The following UTP4 variants were observed in gnomAD, a reference collection of about 807,000 sequenced individuals.
The protein encoded by UTP4 is U3 small nucleolar RNA-associated protein 4 homolog.
In UTP4, 45 loss-of-function variants were observed where a neutral mutation model predicts 82.4. The ratio of observed to expected loss-of-function variants is 0.55; its 90% confidence interval spans 0.43 to 0.70. The LOEUF (loss-of-function observed/expected upper bound fraction) is 0.70. Among genes scored for constraint, UTP4 ranks in the 30% least tolerant of loss-of-function variants. The pLI, the probability that UTP4 is intolerant of heterozygous loss-of-function variation, is 0.00. For missense variants in UTP4, 819 were observed against 858.3 expected (o/e 0.95, Z 0.57); for synonymous variants, 348 against 300.3 (o/e 1.16, Z -1.64).
At chr16:69,150,492 C>A (rs780679540) in intron 6 of UTP4, 45 bp from the exon 7 acceptor site, 3 of 1,608,762 alleles carry the variant, frequency 1.9e-6, no homozygotes, top group South Asian at 1.1e-5. Context: ...TCCAACCAGA[C>A]CTTGTTTTGC....
At chr16:69,132,787 C>G (rs2152275393) in intron 1 of UTP4, 98 bp downstream of exon 1, 1 of 224,460 alleles carries the variant, frequency 4.5e-6, no homozygotes, top group South Asian at 3.9e-5. Flanking sequence ...CTCCTTGTCC[C>G]GAGGGTCTCC....
In UTP4 at chr16:69,161,300, G is replaced by A. The variant is rs143529180; in HGVS notation, c.1551+838G>A. The stretch of plus-strand genomic sequence containing the variant: ...CATCTTCATTATAAGAATCAGATTC[G>A]AACTACCCAAAACTTGGAATAAGCA... On this transcript the variant is annotated intron_variant, in intron 13 of 16. Transcript: ENST00000314423. Among the ~76,000 whole-genome samples the A allele has an allele frequency of 1.2e-3, 176 of 152,298 alleles. 2 individuals carry two copies. The highest frequency in any genetic ancestry group is 3.8e-3 in the African/African-American group (156 of 41,572).
In UTP4 at chr16:69,160,441, C is replaced by G. The variant is rs1963533854; in HGVS notation, c.1530C>G (p.Val510=). 6.2e-7 allele frequency: 1 copy of G among 1,613,760 alleles called. No homozygotes were observed. The highest frequency in any genetic ancestry group is 1.3e-5 in the African/African-American group (1 of 74,886). The change falls in exon 13 of 17, where the codon GTC becomes GTG. Residue 510 remains valine (V), a synonymous_variant. Transcript: ENST00000314423. The stretch of plus-strand genomic sequence containing the variant: ...CAGGTACCAGTGCTGGAGTCCATGT[C>G]TACAACGTAAAACAGCTAAAGGTGA... ...AASGTSAGVH[V]YNVKQLKLHC... is the part of the protein sequence containing the mutation.
In UTP4 at chr16:69,147,181, T is replaced by TAAG. The variant is rs1963139865; in HGVS notation, c.739-3354_739-3353insGAA. Among the ~76,000 whole-genome samples the TAAG allele has an allele frequency of 6.4e-5, 5 of 77,790 alleles. No homozygotes were observed. In the South Asian group the frequency reaches 2.2e-3, roughly 35 times the overall value. The allele number at this position is 77,790 out of a possible 152,430, so 51.0% of individuals were successfully genotyped here. A position where few individuals can be genotyped will look rare whatever the true frequency, so the allele number is the denominator to read the frequency against. On this transcript the variant is annotated intron_variant, in intron 6 of 16. Coordinates refer to ENST00000314423, the MANE Select transcript of UTP4 (RefSeq NM_032830.3). ...AACAGAGTGCAACTCCAGCTCAAAATAATAATAATAATAATAATAATAATA... is the reference window on the plus strand; with the variant it reads ...AACAGAGTGCAACTCCAGCTCAAAATAAGAATAATAATAATAATAATAATAATA...
At chr16:69,145,137 C>T (rs879483552) in intron 6 of UTP4, among the ~76,000 whole-genome samples, 26 of 151,648 alleles carry the variant, frequency 1.7e-4, no homozygotes, top group Non-Finnish European at 2.5e-4. Flanking sequence ...AGCAGGACTC[C>T]ATCTCAAATA....
At chr16:69,159,854 G>T (rs1296524216) in intron 12 of UTP4, among the ~76,000 whole-genome samples, 2 of 152,088 alleles carry the variant, frequency 1.3e-5, no homozygotes, top group African/African-American at 4.8e-5. Flanking sequence ...CAGGCATGGT[G>T]GTGGGTGCCT....
Position 69,156,154 on chromosome 16 carries a change from C to CTTTTTTT in UTP4, c.1287+172_1287+178dup, listed in dbSNP as rs36043898. 5.7e-4 allele frequency among the ~76,000 whole-genome samples: 74 copies of CTTTTTTT among 130,430 alleles called. 1 individual carries two copies. The highest frequency in any genetic ancestry group is 8.8e-4 in the African/African-American group (30 of 33,958). The allele number at this position is 130,430 out of a possible 152,430, so 85.6% of individuals were successfully genotyped here. A position where few individuals can be genotyped will look rare whatever the true frequency, so the allele number is the denominator to read the frequency against. ...GAAACAGTGTTTTATTTCTTTCTTTCTTTTTTTTTTTTTTTTTGAGACGGA... is the reference window on the plus strand; with the variant it reads ...GAAACAGTGTTTTATTTCTTTCTTTCTTTTTTTTTTTTTTTTTTTTTTTTGAGACGGA... On this transcript the variant is annotated intron_variant, in intron 11 of 16. Coordinates refer to ENST00000314423, the MANE Select transcript of UTP4 (RefSeq NM_032830.3).
At chr16:69,168,392 C>T (rs1194832044) in intron 16 of UTP4, among the ~76,000 whole-genome samples, 7 of 143,730 alleles carry the variant, frequency 4.9e-5, no homozygotes, top group African/African-American at 7.8e-5. Context: ...GCCGAGATTG[C>T]GCCACTGCAC....
intron 3 of UTP4, 60 bp from the exon 4 acceptor site, chr16:69,137,740 GT>G (rs1360724948): frequency 1.1e-6 from 1 of 880,196 alleles, no homozygotes; most frequent in Non-Finnish European, 1.9e-6. Context: ...GTGTGTGTGT[GT>G]TTAGTCCTAT....
intron 13 of UTP4, among the ~76,000 whole-genome samples, chr16:69,162,722 A>G (rs915022044): frequency 4.6e-5 from 7 of 150,956 alleles, no homozygotes; most frequent in African/African-American, 1.5e-4. Context: ...AAAAAAAAAA[A>G]AAAAGAAAAA....
At chr16:69,151,507 A>G (rs564468580) in intron 8 of UTP4, among the ~76,000 whole-genome samples, 1 of 150,282 alleles carries the variant, frequency 6.7e-6, no homozygotes, top group African/African-American at 2.4e-5. Context: ...TTTTTAGTAG[A>G]GGTGGGGTTT....
chr16:69,152,057 A>G (rs1241169289), intron 8 of UTP4, among the ~76,000 whole-genome samples: 3 of 150,770 alleles, frequency 2.0e-5, no homozygotes, highest in Non-Finnish European at 2.9e-5. Context: ...GGCATACTTG[A>G]TATATTAAAA....
intron 15 of UTP4, 85 bp from the exon 16 acceptor site, chr16:69,166,990 T>C: frequency 1.1e-6 from 1 of 894,848 alleles, no homozygotes; most frequent in Non-Finnish European, 1.9e-6. Flanking sequence ...GAAGATGATG[T>C]TGGGCTCAAA....
At chr16:69,140,883 C>T (rs1962941274) in intron 5 of UTP4, among the ~76,000 whole-genome samples, 1 of 152,096 alleles carries the variant, frequency 6.6e-6, no homozygotes, top group Admixed American at 6.5e-5. Flanking sequence ...CTTTTTCTAC[C>T]GTCTGCCACA....
chr16:69,165,204 A>C, intron 14 of UTP4, 137 bp from the exon 15 acceptor site: 1 of 747,324 alleles, frequency 1.3e-6, no homozygotes, highest in Non-Finnish European at 2.2e-6. Context: ...CAAAAAAAAA[A>C]AAAAGTGTTG....
At chr16:69,163,697 A>C (rs1003887988) in intron 14 of UTP4, among the ~76,000 whole-genome samples, 10 of 151,362 alleles carry the variant, frequency 6.6e-5, no homozygotes, top group Non-Finnish European at 1.5e-4. Flanking sequence ...AAAAAAAAAA[A>C]CCTGGGCTGC....
chr16:69,152,464 CTTTT>C (rs58914042), intron 8 of UTP4, among the ~76,000 whole-genome samples: 4 of 107,146 alleles, frequency 3.7e-5, no homozygotes, highest in African/African-American at 1.0e-4. Context: ...TTCTGTTTTT[CTTTT>C]TTTTTTTTTT....
chr16:69,159,282 T>C (rs1344223759), intron 12 of UTP4, among the ~76,000 whole-genome samples: 1 of 151,394 alleles, frequency 6.6e-6, no homozygotes, highest in African/African-American at 2.4e-5. Context: ...GGTTTCACCA[T>C]CTTGGCCAGG....
intron 16 of UTP4, among the ~76,000 whole-genome samples, chr16:69,168,580 G>T (rs1409737552): frequency 6.6e-6 from 1 of 152,004 alleles, no homozygotes; most frequent in African/African-American, 2.4e-5. Context: ...TCATGTCTAT[G>T]AATGACCACT....
Sources: gnomAD v4.1 joint callset for allele counts (sites outside exome capture counted in the v4.1 genomes callset) on GRCh38, gnomAD v4.1.1 for gene constraint, MANE v1.5 for transcripts, NCBI Gene and HGNC (gene_info 2026-07-23, HGNC 2026-07-21) for gene names.